KCNQ3: variants seen among roughly 807,000 people sequenced by gnomAD.
KCNQ3 encodes potassium voltage-gated channel subfamily Q member 3, also known as potassium voltage-gated channel subfamily KQT member 3.
KCNQ3 carries 30 observed loss-of-function variants against 92.5 expected under a neutral mutation model. The observed-to-expected ratio is 0.32, with a 90% confidence interval of 0.24 to 0.44. The LOEUF (loss-of-function observed/expected upper bound fraction) is 0.44. Among genes scored for constraint, KCNQ3 ranks in the 20% least tolerant of loss-of-function variants. The pLI, the probability that KCNQ3 is intolerant of heterozygous loss-of-function variation, is 1.00. For missense variants in KCNQ3, 913 were observed against 1,140.3 expected (o/e 0.80, Z 2.87); for synonymous variants, 450 against 468.8 (o/e 0.96, Z 0.52).
chr8:132,310,429 G>A (rs1817560382), intron 1 of KCNQ3, among the ~76,000 whole-genome samples: 2 of 152,338 alleles, frequency 1.3e-5, no homozygotes, highest in South Asian at 4.2e-4. Flanking sequence ...CACGAGGAGT[G>A]CAGGAGTGCG....
intron 9 of KCNQ3, among the ~76,000 whole-genome samples, chr8:132,149,125 C>CT (rs1253662913): frequency 6.6e-6 from 1 of 152,188 alleles, no homozygotes; most frequent in Non-Finnish European, 1.5e-5. Flanking sequence ...GGTTGTGCTT[C>CT]TTAGCTGATC....
chr8:132,350,164 T>C (rs972478629), intron 1 of KCNQ3, among the ~76,000 whole-genome samples: 1 of 152,184 alleles, frequency 6.6e-6, no homozygotes, highest in African/African-American at 2.4e-5. Context: ...TCCGGATACA[T>C]CTTGCAGACA....
At chr8:132,167,083 T>C (rs1218171509) in intron 8 of KCNQ3, among the ~76,000 whole-genome samples, 2 of 152,196 alleles carry the variant, frequency 1.3e-5, no homozygotes, top group Non-Finnish European at 2.9e-5. Flanking sequence ...TCAAATATTA[T>C]TTGGCTATAA....
At chr8:132,307,761 G>T (rs1156508121) in intron 1 of KCNQ3, among the ~76,000 whole-genome samples, 1 of 152,182 alleles carries the variant, frequency 6.6e-6, no homozygotes, top group African/African-American at 2.4e-5. Context: ...ACAGATTTGG[G>T]CCAGGATATT....
At chr8:132,136,140 A>AG (rs1825080802) in intron 12 of KCNQ3, among the ~76,000 whole-genome samples, 2 of 149,984 alleles carry the variant, frequency 1.3e-5, no homozygotes, top group African/African-American at 4.9e-5. Flanking sequence ...AAAAAAAAAA[A>AG]AAAAAAGAAA....
intron 1 of KCNQ3, among the ~76,000 whole-genome samples, chr8:132,294,248 G>A (rs557750637): frequency 2.0e-5 from 3 of 152,168 alleles, no homozygotes; most frequent in Non-Finnish European, 4.4e-5. Context: ...TGATCCACCG[G>A]CCTCGGCCTC....
intron 1 of KCNQ3, among the ~76,000 whole-genome samples, chr8:132,317,755 CCCCGAACTCCTG>C (rs1330356129): frequency 6.6e-6 from 1 of 152,150 alleles, no homozygotes; most frequent in East Asian, 1.9e-4. Flanking sequence ...AAGTGCTTTG[CCCCGAACTCCTG>C]CCCTCCTTGT....
intron 1 of KCNQ3, among the ~76,000 whole-genome samples, chr8:132,280,107 TG>T (rs1456054277): frequency 4.6e-5 from 7 of 152,056 alleles, no homozygotes; most frequent in Non-Finnish European, 1.0e-4. Context: ...TACAGTTTGT[TG>T]GGGGGAAAGA....
chr8:132,254,440 A>T (rs899717595), intron 1 of KCNQ3, among the ~76,000 whole-genome samples: 26 of 152,216 alleles, frequency 1.7e-4, no homozygotes, highest in African/African-American at 6.0e-4. Context: ...TGCTACTAAC[A>T]TGATCATGAA....
chr8:132,380,701 C>T (rs1262316222), intron 1 of KCNQ3, among the ~76,000 whole-genome samples: 1 of 151,056 alleles, frequency 6.6e-6, no homozygotes, highest in Admixed American at 6.6e-5. Flanking sequence ...GGAGTCAGTC[C>T]CACAGCTGAG....
chr8:132,478,840 A>T (rs1054338815), intron 1 of KCNQ3, among the ~76,000 whole-genome samples: 1 of 151,972 alleles, frequency 6.6e-6, no homozygotes, highest in Non-Finnish European at 1.5e-5. Flanking sequence ...AACCTAGAAA[A>T]ACGTCTCTAA....
chr8:132,240,807 T>C (rs555277309), intron 1 of KCNQ3, among the ~76,000 whole-genome samples: 1 of 152,354 alleles, frequency 6.6e-6, no homozygotes, highest in African/African-American at 2.4e-5. Flanking sequence ...AATGAGAGTC[T>C]ATTATGCACC....
chr8:132,307,664 GTGTT>G (rs1453790740), intron 1 of KCNQ3, among the ~76,000 whole-genome samples: 1 of 152,176 alleles, frequency 6.6e-6, no homozygotes, highest in African/African-American at 2.4e-5. Flanking sequence ...TCACTCATAA[GTGTT>G]TGTTTAATTG....
At chr8:132,268,053 T>C (rs1407362131) in intron 1 of KCNQ3, among the ~76,000 whole-genome samples, 1 of 152,120 alleles carries the variant, frequency 6.6e-6, no homozygotes, top group Admixed American at 6.5e-5. Context: ...CCAGAGTAGA[T>C]ATATTGATCT....
chr8:132,304,103 C>T (rs1157281), intron 1 of KCNQ3, among the ~76,000 whole-genome samples: 117,651 of 151,920 alleles, frequency 0.77, 46,009 homozygotes, highest in East Asian at 0.89. Flanking sequence ...TAAACCTGTA[C>T]ACATGGACAC....
At chr8:132,226,195 TG>T (rs1164181991) in intron 1 of KCNQ3, among the ~76,000 whole-genome samples, 1 of 151,040 alleles carries the variant, frequency 6.6e-6, no homozygotes, top group Non-Finnish European at 1.5e-5. Context: ...GGCGTGAACC[TG>T]GGAGGCAGAG....
chr8:132,294,231 G>C (rs1816950935), intron 1 of KCNQ3, among the ~76,000 whole-genome samples: 1 of 152,088 alleles, frequency 6.6e-6, no homozygotes, highest in Non-Finnish European at 1.5e-5. Context: ...TCCATCTCCT[G>C]ACCTCGTGAT....
intron 1 of KCNQ3, among the ~76,000 whole-genome samples, chr8:132,408,016 T>A (rs1820539527): frequency 6.6e-6 from 1 of 152,142 alleles, no homozygotes; most frequent in East Asian, 1.9e-4. Flanking sequence ...AATGAGTGAG[T>A]GCATAAATTA....
In KCNQ3 at chr8:132,480,673, C is replaced by A. The variant is rs1438659349; in HGVS notation, c.-141G>T. On this transcript the variant is annotated 5_prime_UTR_variant, in exon 1 of 15. Transcript: ENST00000388996. ...CATGATCCGCGCGCCCCTCCCCACC[C>A]CCCCCCAAAAGCAGGCAAAGGCGGG... is the stretch of plus-strand genomic sequence containing the variant. 5.4e-6 allele frequency: 5 copies of A among 922,898 alleles called. No individual in the cohort carries two copies. Among genetic ancestry groups the A allele is most frequent in the South Asian group, 7.7e-5 (2 of 25,998 alleles). The allele number at this position is 922,898 out of a possible 1,614,324, so 57.2% of individuals were successfully genotyped here. A position where few individuals can be genotyped will look rare whatever the true frequency, so the allele number is the denominator to read the frequency against.
Sources: allele counts gnomAD v4.1 joint callset (sites outside exome capture counted in the v4.1 genomes callset), GRCh38; gene constraint gnomAD v4.1.1; transcripts MANE v1.5; gene names NCBI Gene and HGNC (gene_info 2026-07-23, HGNC 2026-07-21).